The following CHRM3 variants were observed in gnomAD, a reference collection of about 807,000 sequenced individuals.
CHRM3 encodes the protein cholinergic receptor muscarinic 3.
In CHRM3, 11 loss-of-function variants were observed where a neutral mutation model predicts 41.8. The ratio of observed to expected loss-of-function variants is 0.26; its 90% CI spans 0.17 to 0.44. CHRM3 has a LOEUF of 0.44. CHRM3 is among the 20% of genes least tolerant of loss of function. The pLI is 1.00. For synonymous variants in CHRM3, 297 were observed against 301.4 expected, an observed-to-expected ratio of 0.99 and a Z score of 0.15; for missense variants, 571 against 745.4, an observed-to-expected ratio of 0.77 and a Z score of 2.72.
At chr1:239,682,758 C>A (rs540601439) in intron 5 of CHRM3, among the ~76,000 whole-genome samples, 1 of 152,174 alleles carries the variant, frequency 6.6e-6, no homozygotes, top group Non-Finnish European at 1.5e-5. Context: ...GTTAATACAA[C>A]AAATGCTTCA....
At chr1:239,826,362 G>A (rs1345410164) in intron 5 of CHRM3, among the ~76,000 whole-genome samples, 1 of 152,184 alleles carries the variant, frequency 6.6e-6, no homozygotes, top group African/African-American at 2.4e-5. Flanking sequence ...AACATCGGAT[G>A]AGTAAATATG....
At chr1:239,475,821 GATTGTCC>G (rs1666428014) in intron 1 of CHRM3, among the ~76,000 whole-genome samples, 1 of 152,050 alleles carries the variant, frequency 6.6e-6, no homozygotes, top group African/African-American at 2.4e-5. Context: ...TGAGTGTTTG[GATTGTCC>G]GTATGTTTTT....
intron 3 of CHRM3, chr1:239,546,049 C>A (rs559208474): frequency 1.3e-5 from 2 of 152,032 alleles, no homozygotes; most frequent in South Asian, 4.1e-4. Context: ...TGGACAGTTT[C>A]GATGTCTTCT....
intron 1 of CHRM3, among the ~76,000 whole-genome samples, chr1:239,398,126 CTG>C (rs1471598384): frequency 6.6e-6 from 1 of 152,110 alleles, no homozygotes; most frequent in Non-Finnish European, 1.5e-5. Context: ...GCAAAGGAGA[CTG>C]TATCTTATGA....
At chr1:239,564,324 A>G (rs569819793) in intron 3 of CHRM3, among the ~76,000 whole-genome samples, 1 of 152,304 alleles carries the variant, frequency 6.6e-6, no homozygotes, top group African/African-American at 2.4e-5. Flanking sequence ...CAAATAAGAG[A>G]TAAGATATCC....
intron 6 of CHRM3, among the ~76,000 whole-genome samples, chr1:239,839,734 A>G (rs2149150627): frequency 6.6e-6 from 1 of 151,990 alleles, no homozygotes; most frequent in Admixed American, 6.6e-5. Flanking sequence ...GGGGAGAGTG[A>G]CATACAAAGA....
chr1:239,725,080 T>C (rs1165087909), intron 5 of CHRM3, among the ~76,000 whole-genome samples: 1 of 151,966 alleles, frequency 6.6e-6, no homozygotes, highest in African/African-American at 2.4e-5. Context: ...GATGGTGTTA[T>C]CTTTGATCTA....
chr1:239,592,235 T>A lies in CHRM3; in HGVS notation c.-312-39989T>A, dbSNP rs200997456. Among the ~76,000 whole-genome samples the A allele has an allele frequency of 1.4e-4, 21 of 152,324 alleles. No homozygotes were observed. In the East Asian group the frequency reaches 4.1e-3, roughly 29 times the overall value. On this transcript the variant is annotated intron_variant, in intron 3 of 6. Transcript: ENST00000676153. ...GGCATAACTATATTTAAAATTGAAC[T>A]TTACTCTCAGAAATCTTCATTGCAG...
intron 5 of CHRM3, among the ~76,000 whole-genome samples, chr1:239,793,803 A>ATTT (rs67460907): frequency 0.011 from 752 of 69,450 alleles, 103 homozygotes; most frequent in African/African-American, 0.041. Context: ...TGAAATGTGT[A>ATTT]TTTTTTTTTT....
At chr1:239,516,198 A>AG (rs1242613808) in intron 2 of CHRM3, among the ~76,000 whole-genome samples, 1 of 152,166 alleles carries the variant, frequency 6.6e-6, no homozygotes, top group Non-Finnish European at 1.5e-5. Flanking sequence ...GTATGAACAG[A>AG]GGGGTACTAT....
At chr1:239,745,047 A>G (rs924521156) in intron 5 of CHRM3, among the ~76,000 whole-genome samples, 1 of 152,108 alleles carries the variant, frequency 6.6e-6, no homozygotes, top group African/African-American at 2.4e-5. Context: ...AGGACATGAC[A>G]TGGAGAGGCA....
At chr1:239,782,732 T>C (rs1301541767) in intron 5 of CHRM3, among the ~76,000 whole-genome samples, 2 of 152,150 alleles carry the variant, frequency 1.3e-5, no homozygotes, top group Non-Finnish European at 2.9e-5. Context: ...CTTTCTTTCC[T>C]AATATATACA....
intron 1 of CHRM3, among the ~76,000 whole-genome samples, chr1:239,488,579 G>A (rs959507386): frequency 1.3e-5 from 2 of 151,696 alleles, no homozygotes; most frequent in African/African-American, 4.8e-5. Flanking sequence ...GCTGTGTGTG[G>A]TGGCAGGCGC....
In CHRM3 at chr1:239,907,053, AT is replaced by A. The variant is rs1680024113; in HGVS notation, c.-19-377del. On this transcript the variant is annotated intron_variant, in intron 6 of 6. Coordinates refer to ENST00000676153, the MANE Select transcript of CHRM3 (RefSeq NM_001375978.1). The surrounding 1 kb of genome is among the most constrained non-coding windows in gnomAD (Gnocchi z 5.4). ...AAATGCAAATCAAGTCAAGTTATCA[AT>A]TTAGCATGAAGATAAAGCTGTTTGG... Among the ~76,000 whole-genome samples, 1 of 152,238 alleles carries A rather than the reference AT, an allele frequency of 6.6e-6. No individual in the cohort carries two copies.
intron 1 of CHRM3, among the ~76,000 whole-genome samples, chr1:239,470,689 A>C (rs554909003): frequency 6.6e-5 from 10 of 152,198 alleles, no homozygotes; most frequent in Non-Finnish European, 1.5e-4. Flanking sequence ...CCTACTGGCC[A>C]CATCTGTCTA....
At chr1:239,412,012 T>G (rs563325051) in intron 1 of CHRM3, among the ~76,000 whole-genome samples, 1 of 151,748 alleles carries the variant, frequency 6.6e-6, no homozygotes, top group South Asian at 2.1e-4. Flanking sequence ...TCTAGAAAAT[T>G]TTAGCCCTCT....
chr1:239,764,590 C>T (rs987367441), intron 5 of CHRM3, among the ~76,000 whole-genome samples: 3 of 152,138 alleles, frequency 2.0e-5, no homozygotes, highest in Non-Finnish European at 4.4e-5. Context: ...TGTACAAATC[C>T]CACTTCTCTG....
chr1:239,794,387 G>GTT (rs10925977), intron 5 of CHRM3, among the ~76,000 whole-genome samples: 69 of 115,276 alleles, frequency 6.0e-4, no homozygotes, highest in African/African-American at 1.5e-3. Context: ...TTCGTTTGTT[G>GTT]TTTTTTTTTT....
chr1:239,811,695 G>A (rs191067773), intron 5 of CHRM3, among the ~76,000 whole-genome samples: 2 of 152,242 alleles, frequency 1.3e-5, no homozygotes, highest in South Asian at 2.1e-4. Context: ...AAGATACACC[G>A]GAATGGGACC....
Sources: gnomAD v4.1 joint callset for allele counts (sites outside exome capture counted in the v4.1 genomes callset) on GRCh38, gnomAD v4.1.1 for gene constraint, Gnocchi (gnomAD v3.1) non-coding constraint, MANE v1.5 for transcripts, NCBI Gene and HGNC (gene_info 2026-07-23, HGNC 2026-07-21) for gene names.